COX16: variants seen among roughly 807,000 people sequenced by gnomAD.
COX16 encodes cytochrome c oxidase assembly protein COX16 homolog, mitochondrial.
In COX16, 12 loss-of-function variants were observed where a neutral mutation model predicts 15.4. The observed-to-expected ratio is 0.78, with a 90% confidence interval of 0.50 to 1.26. COX16 has a LOEUF of 1.26. Ranked by LOEUF, COX16 falls within the 50% of genes most tolerant of loss-of-function variation. The probability of loss-of-function intolerance (pLI) is 0.00; values close to 1 mark genes in which losing one functional copy is unlikely to be tolerated. For missense variants in COX16, 124 were observed against 127.6 expected, an observed-to-expected ratio of 0.97 and a Z score of 0.14; for synonymous variants, 46 against 41.1, an observed-to-expected ratio of 1.12 and a Z score of -0.46.
intron 2 of COX16, among the ~76,000 whole-genome samples, chr14:70,340,210 A>T (rs894878245): frequency 1.3e-5 from 2 of 152,148 alleles, no homozygotes; most frequent in African/African-American, 4.8e-5. Context: ...ACGGTTTTAT[A>T]AGGGATTTCC....
In COX16 at chr14:70,350,594, T is replaced by C. The variant is rs149988796; in HGVS notation, c.70-7865A>G. ...AGAAAACATATTTACAATACTGTCATTGCATTTATAAATGTATTCTCTAAA... is the reference window on the plus strand; with the variant it reads ...AGAAAACATATTTACAATACTGTCACTGCATTTATAAATGTATTCTCTAAA... On this transcript the variant is annotated intron_variant, in intron 1 of 3. Coordinates refer to ENST00000389912, the MANE Select transcript of COX16 (RefSeq NM_016468.7). 1.0e-3 allele frequency among the ~76,000 whole-genome samples: 153 copies of C among 152,354 alleles called. 1 individual carries two copies. The highest frequency in any genetic ancestry group is 3.4e-3 in the Middle Eastern group (1 of 294).
intron 2 of COX16, among the ~76,000 whole-genome samples, chr14:70,331,327 ATTTG>A (rs1886282264): frequency 6.6e-6 from 1 of 151,774 alleles, no homozygotes; most frequent in African/African-American, 2.4e-5. Flanking sequence ...ACTTAAGAAA[ATTTG>A]TTTATCAAAA....
At chr14:70,349,110 T>C (rs1389004141) in intron 1 of COX16, among the ~76,000 whole-genome samples, 1 of 152,168 alleles carries the variant, frequency 6.6e-6, no homozygotes, top group African/African-American at 2.4e-5. Flanking sequence ...CCCAACACTT[T>C]CCATGTTGGT....
chr14:70,328,892 A>C (rs1309006985), intron 3 of COX16, among the ~76,000 whole-genome samples: 8 of 151,882 alleles, frequency 5.3e-5, no homozygotes, highest in Non-Finnish European at 1.2e-4. Context: ...ACATTTAAAT[A>C]GGCTTTTTTG....
chr14:70,350,170 G>A (rs1886905297), intron 1 of COX16, among the ~76,000 whole-genome samples: 1 of 152,160 alleles, frequency 6.6e-6, no homozygotes, highest in Non-Finnish European at 1.5e-5. Context: ...CCAGTCCCAA[G>A]GCTCAAGGCT....
At chr14:70,338,929 A>T (rs1249018638) in intron 2 of COX16, among the ~76,000 whole-genome samples, 2 of 152,154 alleles carry the variant, frequency 1.3e-5, no homozygotes, top group Non-Finnish European at 1.5e-5. Flanking sequence ...TAACTCCTTA[A>T]TCCAGTTGTA....
intron 1 of COX16, among the ~76,000 whole-genome samples, chr14:70,343,391 ATTGT>A (rs1420510892): frequency 3.3e-5 from 5 of 152,160 alleles, no homozygotes; most frequent in Non-Finnish European, 5.9e-5. Flanking sequence ...CTATAACATT[ATTGT>A]TTTTTTGTTT....
At chr14:70,350,107 C>T (rs546398797) in intron 1 of COX16, among the ~76,000 whole-genome samples, 5 of 152,158 alleles carry the variant, frequency 3.3e-5, no homozygotes, top group Non-Finnish European at 5.9e-5. Flanking sequence ...TAAGATTCTC[C>T]CCGGGGCCTG....
At chr14:70,335,582 G>A (rs1178414757) in intron 2 of COX16, among the ~76,000 whole-genome samples, 23 of 142,466 alleles carry the variant, frequency 1.6e-4, no homozygotes, top group African/African-American at 5.9e-4. Context: ...TATACACAAC[G>A]CTCCTGAATG....
chr14:70,328,072 A>ATTTTTTTTTGTTTTTT, intron 3 of COX16: 1 of 80,840 alleles, frequency 1.2e-5, no homozygotes, highest in Non-Finnish European at 2.2e-5. Context: ...TGAGAATAAG[A>ATTTTTTTTTGTTTTTT]TTTTTTTTTT....
rs892110923 is a variant in COX16 at position 70,326,175 on chromosome 14, C to T, written c.*158G>A. On this transcript the variant is annotated 3_prime_UTR_variant, in exon 4 of 4. Coordinates refer to ENST00000389912, the MANE Select transcript of COX16 (RefSeq NM_016468.7). ...TAGCTGGGAAGTATAAAAACCTGTA[C>T]ATGACCTTTAGTGAAGATTATTTGT... 8 of 474,842 alleles carry T rather than the reference C, an allele frequency of 1.7e-5. No homozygotes were observed. Among genetic ancestry groups the T allele is most frequent in the African/African-American group, 4.1e-5 (2 of 49,238 alleles). The allele number at this position is 474,842 out of a possible 1,614,324, so 29.4% of individuals were successfully genotyped here.
At chr14:70,358,186 T>C (rs1170516154) in intron 1 of COX16, among the ~76,000 whole-genome samples, 8 of 151,940 alleles carry the variant, frequency 5.3e-5, no homozygotes, top group Admixed American at 5.2e-4. Context: ...CGGGTAGAAG[T>C]AGATTAGTGG....
In COX16 at chr14:70,325,826, A is replaced by T. The variant is rs1886050565; in HGVS notation, c.*507T>A. On this transcript the variant is annotated 3_prime_UTR_variant, in exon 4 of 4. Coordinates refer to ENST00000389912, the MANE Select transcript of COX16 (RefSeq NM_016468.7). ...TGCTTTGGAGACTGATTATCATACTATGTGAGGCATTACAAAGAAAATCAA... is the reference window on the plus strand; with the variant it reads ...TGCTTTGGAGACTGATTATCATACTTTGTGAGGCATTACAAAGAAAATCAA... 1 of 152,180 alleles carries T rather than the reference A, an allele frequency of 6.6e-6. No individual in the cohort carries two copies. The highest frequency in any genetic ancestry group is 1.5e-5 in the Non-Finnish European group (1 of 68,060). The allele number at this position is 152,180 out of a possible 1,614,324, so 9.4% of individuals were successfully genotyped here. A position where few individuals can be genotyped will look rare whatever the true frequency, so the allele number is the denominator to read the frequency against.
At chr14:70,334,446 G>A (rs1194334641) in intron 2 of COX16, among the ~76,000 whole-genome samples, 2 of 152,166 alleles carry the variant, frequency 1.3e-5, no homozygotes, top group Non-Finnish European at 2.9e-5. Flanking sequence ...TCGCTTGGAA[G>A]GCAGAGGTGG....
intron 3 of COX16, among the ~76,000 whole-genome samples, chr14:70,328,696 T>G (rs1161162000): frequency 6.6e-6 from 1 of 152,212 alleles, no homozygotes; most frequent in Non-Finnish European, 1.5e-5. Context: ...ATTGTTGAAC[T>G]TTTTCACATT....
intron 2 of COX16, among the ~76,000 whole-genome samples, chr14:70,339,206 G>A (rs1208993885): frequency 6.6e-6 from 1 of 152,102 alleles, no homozygotes; most frequent in Non-Finnish European, 1.5e-5. Context: ...ATCCAACAAT[G>A]TATGACCCAT....
At chr14:70,341,510 A>G (rs555954007) in intron 2 of COX16, among the ~76,000 whole-genome samples, 1 of 152,340 alleles carries the variant, frequency 6.6e-6, no homozygotes, top group South Asian at 2.1e-4. Flanking sequence ...TGAAAAAACC[A>G]GAGTTCTTAT....
intron 1 of COX16, among the ~76,000 whole-genome samples, chr14:70,356,677 G>A (rs552374426): frequency 2.4e-4 from 37 of 152,142 alleles, no homozygotes; most frequent in South Asian, 6.2e-4. Context: ...AGAAAATCTC[G>A]CCAAAGACAT....
chr14:70,332,973 G>A, intron 2 of COX16, among the ~76,000 whole-genome samples: 1 of 152,212 alleles, frequency 6.6e-6, no homozygotes, highest in East Asian at 1.9e-4. Flanking sequence ...CAACCTTGGA[G>A]CCTTCATAAG....
Sources: gnomAD v4.1 joint callset for allele counts (sites outside exome capture counted in the v4.1 genomes callset) on GRCh38, gnomAD v4.1.1 for gene constraint, MANE v1.5 for transcripts, NCBI Gene and HGNC (gene_info 2026-07-23, HGNC 2026-07-21) for gene names.